Variants in MYO9A observed in about 807,000 individuals in gnomAD.
MYO9A encodes the protein unconventional myosin-IXa.
In MYO9A, 103 loss-of-function variants were observed where a neutral mutation model predicts 293.3. That is an observed-to-expected ratio of 0.35 (90% CI 0.30 to 0.41). The LOEUF is 0.41. Ranked by LOEUF, MYO9A falls within the 10% of genes least tolerant of loss-of-function variation. MYO9A has a pLI of 1.00. For missense variants in MYO9A, 2,685 were observed against 3,033.0 expected (o/e 0.89, Z 2.69); for synonymous variants, 1,001 against 1,035.7 (o/e 0.97, Z 0.64).
At chr15:72,069,706 T>C (rs796891714) in intron 1 of MYO9A, among the ~76,000 whole-genome samples, 4 of 152,288 alleles carry the variant, frequency 2.6e-5, no homozygotes, top group African/African-American at 9.6e-5. Context: ...AAACAGTGAC[T>C]CTTTTTTCTC....
At chr15:72,024,464 G>A (rs1468731843) in intron 4 of MYO9A, among the ~76,000 whole-genome samples, 1 of 152,080 alleles carries the variant, frequency 6.6e-6, no homozygotes, top group Non-Finnish European at 1.5e-5. Flanking sequence ...TAGAGATAAG[G>A]TTTTGCCATG....
chr15:72,080,307 C>CTTTTTTTTTT (rs374292426), intron 1 of MYO9A, among the ~76,000 whole-genome samples: 1 of 127,376 alleles, frequency 7.9e-6, no homozygotes, highest in African/African-American at 2.9e-5. Flanking sequence ...CCATGCTTCT[C>CTTTTTTTTTT]TTTTTTTTTT....
intron 25 of MYO9A, 121 bp from the exon 26 acceptor site, chr15:71,893,899 T>A: frequency 3.9e-6 from 3 of 766,382 alleles, no homozygotes; most frequent in Non-Finnish European, 6.3e-6. Context: ...CCAAGACAAT[T>A]AAGTCATATT....
In MYO9A at chr15:71,873,856, T is replaced by C. The variant is rs75167023; in HGVS notation, c.5979+1935A>G. On this transcript the variant is annotated intron_variant, in intron 32 of 41. Transcript: ENST00000356056. ...AACTAATCTTTTAAGGCTTAAAGTA[T>C]ATAAAGTGCCTAAACATATCTGTTA... Among the ~76,000 whole-genome samples, 810 of 152,346 alleles carry C rather than the reference T, an allele frequency of 5.3e-3. 5 individuals are homozygous for C. Among genetic ancestry groups the C allele is most frequent in the African/African-American group, 0.019 (772 of 41,588 alleles).
At chr15:71,902,914 G>T in intron 22 of MYO9A, 27 bp downstream of exon 22, 2 of 1,447,386 alleles carry the variant, frequency 1.4e-6, no homozygotes, top group South Asian at 2.9e-5. Flanking sequence ...ACTCAATTTT[G>T]ACCAGAGCTA....
intron 1 of MYO9A, among the ~76,000 whole-genome samples, chr15:72,080,611 GTTT>G (rs58059321): frequency 1.4e-5 from 2 of 148,130 alleles, no homozygotes; most frequent in Non-Finnish European, 3.0e-5. Flanking sequence ...TACTTTTTGG[GTTT>G]TTTTTTTACT....
chr15:72,005,323 C>T (rs2076984927), intron 8 of MYO9A, among the ~76,000 whole-genome samples: 1 of 152,114 alleles, frequency 6.6e-6, no homozygotes, highest in Non-Finnish European at 1.5e-5. Context: ...AAACCTATAG[C>T]TGAGTTCCTC....
chr15:72,101,552 G>A (rs1346197014), intron 1 of MYO9A, among the ~76,000 whole-genome samples: 24 of 132,254 alleles, frequency 1.8e-4, no homozygotes, highest in African/African-American at 4.2e-4. Flanking sequence ...CGCCCCGTCC[G>A]GGAGGTGAGG....
intron 32 of MYO9A, among the ~76,000 whole-genome samples, chr15:71,867,075 A>AACACACACAC (rs35264363): frequency 4.5e-4 from 66 of 148,096 alleles, no homozygotes; most frequent in African/African-American, 1.6e-3. Context: ...CAAAAAACAA[A>AACACACACAC]ACACACACAC....
chr15:71,948,312 T>A (rs1006736282), intron 15 of MYO9A, among the ~76,000 whole-genome samples: 1 of 152,242 alleles, frequency 6.6e-6, no homozygotes, highest in Non-Finnish European at 1.5e-5. Flanking sequence ...GCCTTCTTTA[T>A]TCCTTCCAGT....
intron 39 of MYO9A, among the ~76,000 whole-genome samples, chr15:71,843,912 T>C (rs1044632384): frequency 6.6e-6 from 1 of 152,228 alleles, no homozygotes; most frequent in Admixed American, 6.5e-5. Flanking sequence ...CATTAAGTAC[T>C]AAACTCTGAG....
At chr15:71,851,606 G>A (rs1022236409) in intron 36 of MYO9A, among the ~76,000 whole-genome samples, 6 of 152,160 alleles carry the variant, frequency 3.9e-5, no homozygotes, top group Admixed American at 1.3e-4. Context: ...GGATAGAGAT[G>A]TTCTAGTTTT....
intron 33 of MYO9A, among the ~76,000 whole-genome samples, chr15:71,861,641 C>G (rs906141389): frequency 9.6e-5 from 13 of 135,890 alleles, no homozygotes; most frequent in African/African-American, 3.6e-4. Context: ...TTTATTAAAA[C>G]TTACTATGTG....
At chr15:71,895,904 AATAC>A (rs1165634640) in intron 25 of MYO9A, among the ~76,000 whole-genome samples, 5 of 151,994 alleles carry the variant, frequency 3.3e-5, no homozygotes, top group African/African-American at 1.2e-4. Context: ...ATACACCTAT[AATAC>A]ATACACACAC....
At chr15:71,999,784 C>A in intron 9 of MYO9A, 67 bp downstream of exon 9, 2 of 1,326,316 alleles carry the variant, frequency 1.5e-6, no homozygotes, top group South Asian at 1.4e-5. Flanking sequence ...AAGAGAAAAC[C>A]CAAACTTCAA....
chr15:71,907,995 T>A (rs1567257828), intron 19 of MYO9A, among the ~76,000 whole-genome samples: 2 of 152,202 alleles, frequency 1.3e-5, no homozygotes, highest in South Asian at 4.1e-4. Context: ...TTGCTTTTGG[T>A]GTTTTAGACA....
intron 8 of MYO9A, 102 bp from the exon 9 acceptor site, chr15:72,000,042 G>T: frequency 1.2e-6 from 1 of 829,572 alleles, no homozygotes; most frequent in Non-Finnish European, 1.8e-6. Context: ...AATGAGATTA[G>T]CAATTACATA....
At position 71,851,374 on chromosome 15, in the gene MYO9A, G is replaced by A. The variant is rs755623813; in HGVS notation, c.6476-16C>T. 1.3e-6 allele frequency: 2 copies of A among 1,592,366 alleles called. No homozygotes were observed. Among genetic ancestry groups the A allele is most frequent in the East Asian group, 4.5e-5 (2 of 44,720 alleles). On this transcript the variant is annotated splice_polypyrimidine_tract_variant and intron_variant, in intron 36 of 41. Coordinates refer to ENST00000356056, the MANE Select transcript of MYO9A (RefSeq NM_006901.4). ...TCCTGAAGGCCTAAAAACAGTAAGA[G>A]CAGAAACTAAGACTAAATATCCCCC...
chr15:71,848,326 T>A (rs1470070201), intron 39 of MYO9A, among the ~76,000 whole-genome samples: 1 of 152,074 alleles, frequency 6.6e-6, no homozygotes, highest in African/African-American at 2.4e-5. Flanking sequence ...TTACAAGGAC[T>A]GTCTCAAAAC....
Sources: allele counts gnomAD v4.1 joint callset (sites outside exome capture counted in the v4.1 genomes callset), GRCh38; gene constraint gnomAD v4.1.1; transcripts MANE v1.5; gene names NCBI Gene and HGNC (gene_info 2026-07-23, HGNC 2026-07-21).